Variants in CNTNAP2 observed in about 807,000 individuals in gnomAD.
The protein encoded by CNTNAP2 is contactin associated protein 2.
In CNTNAP2, 98 loss-of-function variants were observed where a neutral mutation model predicts 155.2. The observed-to-expected ratio is 0.63, with a 90% CI of 0.54 to 0.75. CNTNAP2 has a LOEUF of 0.75. CNTNAP2 is among the 30% of genes least tolerant of loss of function. The pLI is 0.00. For missense variants in CNTNAP2, 1,727 were observed against 1,688.1 expected, an observed-to-expected ratio of 1.02 and a Z score of -0.40; for synonymous variants, 651 against 631.2, an observed-to-expected ratio of 1.03 and a Z score of -0.47.
chr7:148,130,894 C>CAA (rs1054708760), intron 16 of CNTNAP2, among the ~76,000 whole-genome samples: 29 of 152,140 alleles, frequency 1.9e-4, no homozygotes, highest in African/African-American at 6.7e-4. Context: ...TTTTACAAGA[C>CAA]AATTCATTAG....
At chr7:147,473,422 C>T (rs577116978) in intron 10 of CNTNAP2, among the ~76,000 whole-genome samples, 5 of 152,138 alleles carry the variant, frequency 3.3e-5, no homozygotes, top group South Asian at 2.1e-4. Context: ...CCCACAGAGA[C>T]GCTCCTTTCA....
intron 1 of CNTNAP2, among the ~76,000 whole-genome samples, chr7:146,591,483 T>C (rs751661131): frequency 7.1e-6 from 1 of 141,782 alleles, no homozygotes; most frequent in Non-Finnish European, 1.5e-5. Flanking sequence ...ATGTGAAATT[T>C]TAGCAGTCTA....
chr7:146,642,717 C>T (rs1441859094), intron 1 of CNTNAP2, among the ~76,000 whole-genome samples: 1 of 152,126 alleles, frequency 6.6e-6, no homozygotes. Flanking sequence ...AGTTCTAGAT[C>T]TCTGAGGAAT....
intron 13 of CNTNAP2, among the ~76,000 whole-genome samples, chr7:147,830,753 C>T (rs1798533584): frequency 6.6e-6 from 1 of 152,170 alleles, no homozygotes; most frequent in Non-Finnish European, 1.5e-5. Flanking sequence ...GTACGCATTA[C>T]TTCATTCCAT....
At chr7:148,096,550 T>C (rs1482353537) in intron 15 of CNTNAP2, among the ~76,000 whole-genome samples, 2 of 152,056 alleles carry the variant, frequency 1.3e-5, no homozygotes, top group African/African-American at 4.8e-5. Flanking sequence ...TGAATATTCA[T>C]GAAGCCACCA....
At chr7:147,213,110 C>A (rs968739241) in intron 8 of CNTNAP2, among the ~76,000 whole-genome samples, 1 of 152,096 alleles carries the variant, frequency 6.6e-6, no homozygotes, top group Non-Finnish European at 1.5e-5. Flanking sequence ...ATAAGTCCCA[C>A]AATCCGCTCT....
intron 1 of CNTNAP2, among the ~76,000 whole-genome samples, chr7:146,241,546 A>G (rs1379474521): frequency 6.6e-6 from 1 of 152,194 alleles, no homozygotes; most frequent in Non-Finnish European, 1.5e-5. Flanking sequence ...TACTAACTTA[A>G]AAAGACCATG....
At chr7:148,211,918 G>T (rs1034028736) in intron 18 of CNTNAP2, among the ~76,000 whole-genome samples, 1 of 152,180 alleles carries the variant, frequency 6.6e-6, no homozygotes, top group African/African-American at 2.4e-5. Flanking sequence ...GAGCCCATTT[G>T]CAAGTTGGGA....
At chr7:147,120,788 C>T (rs560646450) in intron 5 of CNTNAP2, among the ~76,000 whole-genome samples, 191 bp from the exon 6 acceptor site, 1 of 151,988 alleles carries the variant, frequency 6.6e-6, no homozygotes, top group Non-Finnish European at 1.5e-5. Context: ...CCCCCTACCC[C>T]CAACCCACAA....
At chr7:146,377,923 G>T (rs867739375) in intron 1 of CNTNAP2, among the ~76,000 whole-genome samples, 1 of 152,130 alleles carries the variant, frequency 6.6e-6, no homozygotes, top group Non-Finnish European at 1.5e-5. Context: ...CTTCAAACAA[G>T]CTTTGTGCTT....
chr7:147,418,422 G>C (rs1408077951), intron 10 of CNTNAP2, among the ~76,000 whole-genome samples: 1 of 152,094 alleles, frequency 6.6e-6, no homozygotes, highest in Admixed American at 6.6e-5. Context: ...TTATTATATA[G>C]ACATCGATAT....
intron 3 of CNTNAP2, among the ~76,000 whole-genome samples, chr7:146,969,655 C>A (rs1342485498): frequency 6.6e-6 from 1 of 151,574 alleles, no homozygotes; most frequent in East Asian, 1.9e-4. Context: ...TTTTGGTTTC[C>A]ATTTGCTTGG....
intron 13 of CNTNAP2, among the ~76,000 whole-genome samples, chr7:147,646,644 G>C (rs1452268276): frequency 6.6e-6 from 1 of 151,856 alleles, no homozygotes; most frequent in Non-Finnish European, 1.5e-5. Context: ...GGGCTGCCTT[G>C]GTTTCATGGC....
intron 18 of CNTNAP2, among the ~76,000 whole-genome samples, chr7:148,205,491 A>C (rs1795435633): frequency 6.6e-6 from 1 of 152,254 alleles, no homozygotes. Context: ...GTTGCAGTTT[A>C]CTAAACCAGT....
At chr7:148,315,089 C>A (rs1563038369) in intron 21 of CNTNAP2, among the ~76,000 whole-genome samples, 1 of 152,168 alleles carries the variant, frequency 6.6e-6, no homozygotes, top group Non-Finnish European at 1.5e-5. Flanking sequence ...GTTCCTTGGG[C>A]TGGTTGGTCT....
rs58090112 is a variant in CNTNAP2, at chr7:147,763,272, G to GA, written c.2098+123977dup. Among the ~76,000 whole-genome samples the GA allele has an allele frequency of 7.9e-4, 112 of 141,730 alleles. 2 individuals are homozygous for GA. The South Asian group carries it at 0.021, about 27-fold the overall frequency. 93.0% of individuals were successfully genotyped at this position (141,730 alleles called of 152,430 possible). On this transcript the variant is annotated intron_variant, in intron 13 of 23. Coordinates refer to ENST00000361727, the MANE Select transcript of CNTNAP2 (RefSeq NM_014141.6). ...AGAAACTCAGTCAAAAAAAAAAAAA[G>GA]AAAAAAAAAAAGAATAAAGATCCAT...
chr7:146,842,740 C>T (rs896853589), intron 3 of CNTNAP2, among the ~76,000 whole-genome samples: 3 of 152,066 alleles, frequency 2.0e-5, no homozygotes, highest in Non-Finnish European at 4.4e-5. Flanking sequence ...GGCTGGAGTG[C>T]AGTGACGCGA....
At chr7:146,445,719 T>G (rs1453805034) in intron 1 of CNTNAP2, among the ~76,000 whole-genome samples, 1 of 152,126 alleles carries the variant, frequency 6.6e-6, no homozygotes, top group Non-Finnish European at 1.5e-5. Flanking sequence ...CAAATAAAGA[T>G]AGCAAGTAGT....
chr7:146,657,548 T>TTCTCTCTTTC (rs1314894535), intron 1 of CNTNAP2, among the ~76,000 whole-genome samples: 1 of 152,154 alleles, frequency 6.6e-6, no homozygotes, highest in African/African-American at 2.4e-5. Context: ...GTCTCTCTGT[T>TTCTCTCTTTC]TCTCTCTTTC....
Sources: allele counts gnomAD v4.1 joint callset (sites outside exome capture counted in the v4.1 genomes callset), GRCh38; gene constraint gnomAD v4.1.1; transcripts MANE v1.5; gene names NCBI Gene and HGNC (gene_info 2026-07-23, HGNC 2026-07-21).